MYO16: variants seen among roughly 807,000 people sequenced by gnomAD.
MYO16 encodes the protein unconventional myosin-XVI.
A neutral mutation model predicts 205.3 loss-of-function variants in MYO16; 94 were observed. The observed-to-expected ratio is 0.46, with a 90% CI of 0.39 to 0.54. The LOEUF (loss-of-function observed/expected upper bound fraction) is 0.54, where lower values mean the gene tolerates loss of function less well. MYO16 is among the 20% of genes least tolerant of loss of function. The pLI, the probability that MYO16 is intolerant of heterozygous loss-of-function variation, is 0.00. For synonymous variants in MYO16, 988 were observed against 954.0 expected (o/e 1.04, Z -0.66); for missense variants, 2,315 against 2,387.5 (o/e 0.97, Z 0.63).
intron 27 of MYO16, among the ~76,000 whole-genome samples, chr13:109,074,487 GAC>G (rs372624088): frequency 4.5e-4 from 68 of 152,288 alleles, no homozygotes; most frequent in African/African-American, 1.6e-3. Flanking sequence ...GGTGGCAGGA[GAC>G]AGAGAGCAAG....
At chr13:108,640,845 T>G (rs551329919) in intron 1 of MYO16, among the ~76,000 whole-genome samples, 1 of 152,318 alleles carries the variant, frequency 6.6e-6, no homozygotes, top group East Asian at 1.9e-4. Flanking sequence ...GGAAACTTTG[T>G]TTTTCACTAA....
At chr13:109,089,736 A>G (rs1407281194) in intron 27 of MYO16, among the ~76,000 whole-genome samples, 1 of 152,146 alleles carries the variant, frequency 6.6e-6, no homozygotes, top group Non-Finnish European at 1.5e-5. Flanking sequence ...GTCATTCTGG[A>G]GTTGTTGTGA....
intron 9 of MYO16, among the ~76,000 whole-genome samples, chr13:108,831,607 G>A (rs1255474701): frequency 6.6e-6 from 1 of 152,126 alleles, no homozygotes; most frequent in Non-Finnish European, 1.5e-5. Context: ...CTGCTTCCTG[G>A]GTTCAAGCGA....
the MYO16 span, among the ~76,000 whole-genome samples, chr13:108,503,841 T>C: frequency 6.6e-6 from 1 of 152,140 alleles, no homozygotes; most frequent in Non-Finnish European, 1.5e-5. Flanking sequence ...AGTAACCTGA[T>C]GACCTAGTAT....
At chr13:108,669,925 G>T (rs1881911927) in intron 2 of MYO16, among the ~76,000 whole-genome samples, 1 of 152,070 alleles carries the variant, frequency 6.6e-6, no homozygotes, top group Non-Finnish European at 1.5e-5. Flanking sequence ...GCCTGTCGGG[G>T]GATGGGTGGT....
chr13:108,515,805 G>C, the MYO16 span, among the ~76,000 whole-genome samples: 2 of 8,200 alleles, frequency 2.4e-4, no homozygotes, highest in African/African-American at 5.7e-4. Context: ...AGGGGTCAGG[G>C]ACCCACTTGA....
chr13:108,856,379 T>C (rs1878173156), intron 11 of MYO16, among the ~76,000 whole-genome samples: 1 of 152,216 alleles, frequency 6.6e-6, no homozygotes, highest in Non-Finnish European at 1.5e-5. Flanking sequence ...AAATGTGAAG[T>C]CTGAGATTTC....
chr13:109,020,022 C>T (rs1885969348), intron 23 of MYO16, 111 bp downstream of exon 23: 2 of 1,068,328 alleles, frequency 1.9e-6, no homozygotes, highest in Non-Finnish European at 2.7e-6. Flanking sequence ...TAAATGGAAG[C>T]TGGATGAACA....
In MYO16 at chr13:109,055,143, G is replaced by A; in HGVS notation, c.3129+17G>A. ...CAACTCAGGGTTAGTGACGTTTTCA[G>A]ATTTCAAAAACTTAATGTATGTTTA... On this transcript the variant is annotated intron_variant, in intron 26 of 34. Transcript: ENST00000457511. This position sits in a 1 kb window ranked among gnomAD's most constrained non-coding sequence, Gnocchi z 5.0. 6.5e-7 allele frequency: 1 copy of A among 1,547,854 alleles called. No individual in the cohort carries two copies. The highest frequency in any genetic ancestry group is 8.7e-7 in the Non-Finnish European group (1 of 1,145,794).
chr13:108,782,017 G>A (rs1009782958), intron 4 of MYO16, among the ~76,000 whole-genome samples: 1 of 152,162 alleles, frequency 6.6e-6, no homozygotes, highest in Non-Finnish European at 1.5e-5. Context: ...AACTGATACA[G>A]TAAATTGGTA....
intron 1 of MYO16, among the ~76,000 whole-genome samples, chr13:108,646,897 G>A (rs530773574): frequency 2.6e-5 from 4 of 152,036 alleles, no homozygotes; most frequent in Non-Finnish European, 4.4e-5. Flanking sequence ...GAAACTGTAT[G>A]CAGCTAATAT....
chr13:108,919,820 G>C (rs561440448), intron 16 of MYO16, among the ~76,000 whole-genome samples: 9 of 152,102 alleles, frequency 5.9e-5, no homozygotes, highest in African/African-American at 2.2e-4. Context: ...AAACATTCAC[G>C]TATGACTCAT....
chr13:108,976,540 G>T (rs932390813), intron 20 of MYO16, among the ~76,000 whole-genome samples: 1 of 152,130 alleles, frequency 6.6e-6, no homozygotes. Flanking sequence ...AAGGATATGT[G>T]TAAGAAAGAT....
At chr13:108,820,445 G>T in intron 8 of MYO16, 33 bp downstream of exon 8, 1 of 1,540,462 alleles carries the variant, frequency 6.5e-7, no homozygotes, top group Non-Finnish European at 8.9e-7. Flanking sequence ...CCATTGAGCA[G>T]GTACTGTTTT....
intron 1 of MYO16, chr13:108,659,471 A>G: frequency 3.5e-6 from 1 of 281,712 alleles, no homozygotes; most frequent in Non-Finnish European, 7.1e-6. Context: ...TTTATCTGGA[A>G]TTGCAGGATA....
chr13:108,556,496 T>C, the MYO16 span, among the ~76,000 whole-genome samples: 1 of 152,198 alleles, frequency 6.6e-6, no homozygotes, highest in Non-Finnish European at 1.5e-5. Flanking sequence ...TTCTTGCTAT[T>C]GAATTGTTTG....
At chr13:109,136,195 G>A (rs1221827124) in intron 31 of MYO16, among the ~76,000 whole-genome samples, 2 of 151,944 alleles carry the variant, frequency 1.3e-5, no homozygotes, top group Non-Finnish European at 2.9e-5. Context: ...CCAGGATCAA[G>A]TGATTCTCCT....
At chr13:108,803,536 T>C (rs2138973833) in intron 6 of MYO16, among the ~76,000 whole-genome samples, 1 of 152,290 alleles carries the variant, frequency 6.6e-6, no homozygotes, top group East Asian at 1.9e-4. Flanking sequence ...CTGATCCTTA[T>C]ATGGGATCAT....
intron 1 of MYO16, among the ~76,000 whole-genome samples, chr13:108,636,172 A>C (rs1264050077): frequency 6.6e-6 from 1 of 151,940 alleles, no homozygotes; most frequent in Non-Finnish European, 1.5e-5. Context: ...TGATCCATTG[A>C]TTTAGTTTAA....
Sources: gnomAD v4.1 joint callset for allele counts (sites outside exome capture counted in the v4.1 genomes callset) on GRCh38, gnomAD v4.1.1 for gene constraint, Gnocchi (gnomAD v3.1) non-coding constraint, MANE v1.5 for transcripts, NCBI Gene and HGNC (gene_info 2026-07-23, HGNC 2026-07-21) for gene names.